The following MKLN1 variants were observed in gnomAD, a reference collection of about 807,000 sequenced individuals.
The protein encoded by MKLN1 is muskelin 1, also known as muskelin.
A neutral mutation model predicts 99.0 loss-of-function variants in MKLN1; 18 were observed. The observed-to-expected ratio is 0.18, with a 90% CI of 0.13 to 0.27. The LOEUF is 0.27. MKLN1 is among the 10% of genes least tolerant of loss of function. The pLI is 1.00. For missense variants in MKLN1, 621 were observed against 875.9 expected, an observed-to-expected ratio of 0.71 and a Z score of 3.67; for synonymous variants, 288 against 293.2, an observed-to-expected ratio of 0.98 and a Z score of 0.18.
rs148944832 is a variant in MKLN1, at chr7:131,226,191, C to T, written c.-179+23217C>T. On this transcript the variant is annotated intron_variant, in intron 3 of 7. Transcript: ENST00000416992. ...TCAATGCCAGACTGTTGGCATCTGT[C>T]TCCCTGTCTTGTGCAGGCTGCCATC... Among the ~76,000 whole-genome samples, 46 of 152,354 alleles carry T rather than the reference C, an allele frequency of 3.0e-4. No individual in the cohort carries two copies. In the East Asian group the frequency reaches 8.1e-3, roughly 27 times the overall value.
intron 4 of MKLN1, among the ~76,000 whole-genome samples, chr7:131,390,167 AC>A (rs1794156857): frequency 6.6e-6 from 1 of 152,198 alleles, no homozygotes; most frequent in Non-Finnish European, 1.5e-5. Flanking sequence ...CTGCTTATAT[AC>A]AGAAACTGTT....
intron 1 of MKLN1, among the ~76,000 whole-genome samples, chr7:131,366,941 T>C (rs1458282890): frequency 6.6e-6 from 1 of 152,234 alleles, no homozygotes; most frequent in East Asian, 1.9e-4. Flanking sequence ...TAAATTATCT[T>C]CTCATGGTGA....
chr7:131,192,191 AT>A (rs1796565570), intron 2 of MKLN1, among the ~76,000 whole-genome samples: 1 of 89,068 alleles, frequency 1.1e-5, no homozygotes, highest in African/African-American at 4.9e-5. Context: ...AATATATAAA[AT>A]ATAATATATA....
intron 12 of MKLN1, among the ~76,000 whole-genome samples, chr7:131,455,607 G>C (rs747983963): frequency 1.3e-5 from 2 of 152,134 alleles, no homozygotes; most frequent in South Asian, 4.1e-4. Flanking sequence ...TTGTGAGTCA[G>C]TTTCTAAACT....
intron 7 of MKLN1, among the ~76,000 whole-genome samples, chr7:131,413,091 A>T (rs1794924182): frequency 6.6e-6 from 1 of 152,056 alleles, no homozygotes; most frequent in African/African-American, 2.4e-5. Flanking sequence ...TTTCCCTCAG[A>T]CCTCTCAGGG....
At chr7:131,172,483 T>C (rs1796230966) in intron 2 of MKLN1, among the ~76,000 whole-genome samples, 1 of 149,766 alleles carries the variant, frequency 6.7e-6, no homozygotes, top group African/African-American at 2.4e-5. Flanking sequence ...GCCCGGCTAA[T>C]TTTTTGTATT....
chr7:131,201,174 C>A (rs551456932), intron 2 of MKLN1, among the ~76,000 whole-genome samples: 3 of 152,272 alleles, frequency 2.0e-5, no homozygotes, highest in Admixed American at 6.5e-5. Flanking sequence ...CACCCACCAC[C>A]ACACCTGGCT....
chr7:131,447,994 C>T lies in MKLN1; in HGVS notation c.1525+2091C>T, dbSNP rs866337767. ...CTGTAATCCCAGCAGTTTGGGAGGC[C>T]AAGACAGGTGGATCACGAGGTCAGG... On this transcript the variant is annotated intron_variant, in intron 12 of 17. Transcript: ENST00000352689. Among the ~76,000 whole-genome samples, 34 of 152,236 alleles carry T rather than the reference C, an allele frequency of 2.2e-4. 1 individual carries two copies. The Middle Eastern group carries it at 0.01, about 46-fold the overall frequency.
intron 2 of MKLN1, among the ~76,000 whole-genome samples, chr7:131,378,171 G>A (rs190060658): frequency 6.6e-6 from 1 of 152,134 alleles, no homozygotes; most frequent in Admixed American, 6.6e-5. Context: ...GAGTGCAGTG[G>A]CGTAATCTTG....
intron 3 of MKLN1, among the ~76,000 whole-genome samples, chr7:131,245,446 T>G (rs1293464701): frequency 6.6e-6 from 1 of 152,074 alleles, no homozygotes; most frequent in Non-Finnish European, 1.5e-5. Flanking sequence ...TTTTGCATTT[T>G]TAGTAGAGAT....
intron 2 of MKLN1, among the ~76,000 whole-genome samples, chr7:131,196,524 T>C (rs1796647365): frequency 2.3e-5 from 1 of 42,954 alleles, no homozygotes; most frequent in Admixed American, 3.3e-4. Flanking sequence ...ACTCGACACA[T>C]TCATTTTTTT....
At chr7:131,117,258 C>T (rs939503789) in intron 1 of MKLN1, among the ~76,000 whole-genome samples, 4 of 151,932 alleles carry the variant, frequency 2.6e-5, no homozygotes, top group Non-Finnish European at 4.4e-5. Flanking sequence ...GGTGAAACCT[C>T]GTCTCTACTA....
intron 16 of MKLN1, chr7:131,472,361 C>G (rs1354110673): frequency 1.3e-5 from 2 of 152,116 alleles, no homozygotes; most frequent in Non-Finnish European, 2.9e-5. Context: ...GAAAACAAGA[C>G]AGTTTGTTCT....
chr7:131,397,354 C>G lies in MKLN1; in HGVS notation c.488C>G (p.Pro163Arg), dbSNP rs1449783437. The G allele has an allele frequency of 6.2e-7, 1 of 1,605,996 alleles. No homozygotes were observed. The highest frequency in any genetic ancestry group is 8.5e-7 in the Non-Finnish European group (1 of 1,174,100). ...SGIDDPDIVQ[P>R]CLNWYSKYRE... ...ATTGATGATCCTGATATAGTACAACCTTGTCTCAACTGGTATAGCAAGGTA... is the reference window on the plus strand; with the variant it reads ...ATTGATGATCCTGATATAGTACAACGTTGTCTCAACTGGTATAGCAAGGTA... The change falls in exon 5 of 18, where the codon CCT (proline) becomes CGT (arginine). Residue 163 changes from proline to arginine, a missense_variant. Physicochemically the swap from Pro to Arg is moderately radical, Grantham distance 103 (BLOSUM62 -2). Transcript: ENST00000352689.
Position 131,495,520 on chromosome 7 carries a change from TTAAG to T in MKLN1, c.*7794_*7797del, listed in dbSNP as rs1797535000. 1 of 152,146 alleles carries T rather than the reference TTAAG, an allele frequency of 6.6e-6. No homozygotes were observed. The highest frequency in any genetic ancestry group is 2.4e-5 in the African/African-American group (1 of 41,428). The allele number at this position is 152,146 out of a possible 1,614,324, so 9.4% of individuals were successfully genotyped here. ...TATAAAGAAGAAAAACCAGTATTAA[TTAAG>T]TGATGAGACCTGTTCATTTTGTTTT... is the stretch of plus-strand genomic sequence containing the variant. On this transcript the variant is annotated 3_prime_UTR_variant, in exon 18 of 18. Coordinates refer to ENST00000352689, the MANE Select transcript of MKLN1 (RefSeq NM_013255.5).
chr7:131,150,101 T>G (rs1795868086), intron 2 of MKLN1, among the ~76,000 whole-genome samples: 1 of 152,088 alleles, frequency 6.6e-6, no homozygotes, highest in African/African-American at 2.4e-5. Context: ...ACTAGATAGA[T>G]GTCTATCATC....
intron 1 of MKLN1, among the ~76,000 whole-genome samples, chr7:131,345,192 A>G (rs905608908): frequency 2.2e-4 from 34 of 152,344 alleles, no homozygotes; most frequent in South Asian, 4.1e-4. Flanking sequence ...TTAGTAGTAC[A>G]GGAACAGTCC....
rs929767152 is a variant in MKLN1, at chr7:131,479,830, AAAT to A, written c.2086+1168_2086+1170del. Among the ~76,000 whole-genome samples, 228 of 138,506 alleles carry A rather than the reference AAAT, an allele frequency of 1.6e-3. No individual in the cohort carries two copies. The East Asian group carries it at 0.045, about 27-fold the overall frequency. The allele number at this position is 138,506 out of a possible 152,430, so 90.9% of individuals were successfully genotyped here. Reference sequence around the variant, plus strand: ...CGACAGAGTGAGACTCCGTCTCAAAAAATAATAATAATAATAAATTTAAATAAA... The same window carrying A: ...CGACAGAGTGAGACTCCGTCTCAAAAAATAATAATAATAAATTTAAATAAA... On this transcript the variant is annotated intron_variant, in intron 17 of 17. Coordinates refer to ENST00000352689, the MANE Select transcript of MKLN1 (RefSeq NM_013255.5).
chr7:131,243,350 G>A (rs921769701), intron 3 of MKLN1, among the ~76,000 whole-genome samples: 7 of 152,104 alleles, frequency 4.6e-5, no homozygotes, highest in Non-Finnish European at 1.0e-4. Flanking sequence ...TCCGCAGTCC[G>A]TATAGAACAA....
Sources: allele counts gnomAD v4.1 joint callset (sites outside exome capture counted in the v4.1 genomes callset), GRCh38; gene constraint gnomAD v4.1.1; transcripts MANE v1.5; gene names NCBI Gene and HGNC (gene_info 2026-07-23, HGNC 2026-07-21).